AVEN: variants seen among roughly 807,000 people sequenced by gnomAD.
AVEN encodes the protein cell death regulator Aven.
A neutral mutation model predicts 38.1 loss-of-function variants in AVEN; 41 were observed. The ratio of observed to expected loss-of-function variants is 1.08; its 90% CI spans 0.84 to 1.40. The LOEUF is 1.40. Among genes scored for constraint, AVEN ranks in the 40% most tolerant of loss-of-function variants. The pLI is 0.00. For missense variants in AVEN, 605 were observed against 438.8 expected, an observed-to-expected ratio of 1.38 and a Z score of -3.38; for synonymous variants, 206 against 171.8, an observed-to-expected ratio of 1.20 and a Z score of -1.56.
rs1419162297 is a variant in AVEN, at chr15:33,859,796, C to T, written n.2730-702G>A. 2.0e-6 allele frequency: 3 copies of T among 1,482,198 alleles called. No homozygotes were observed. In the African/African-American group the frequency reaches 4.2e-5, roughly 21 times the overall value. 91.8% of individuals were successfully genotyped at this position (1,482,198 alleles called of 1,614,324 possible). On this transcript the variant is annotated intron_variant and non_coding_transcript_variant, in intron 11 of 11. Transcript: ENST00000675287. ...TCTAGTTCTTTTTGCTTTCTTCCAT[C>T]TATGACTTAATTGGTTTATGAAGAA...
At chr15:33,871,647 A>T (rs1890955759) in intron 3 of AVEN, among the ~76,000 whole-genome samples, 2 of 152,178 alleles carry the variant, frequency 1.3e-5, no homozygotes, top group Admixed American at 6.5e-5. Flanking sequence ...AAAAGCAAGC[A>T]TTTAATGAAA....
At chr15:33,861,244 AGT>A, downstream of AVEN, 2 of 1,175,910 alleles carry the variant, frequency 1.7e-6, no homozygotes, top group South Asian at 2.6e-5. Context: ...TAGGTCATAT[AGT>A]TCAGTCTCTG....
At chr15:33,969,651 G>C (rs1895543034) in intron 2 of AVEN, among the ~76,000 whole-genome samples, 1 of 151,940 alleles carries the variant, frequency 6.6e-6, no homozygotes, top group African/African-American at 2.4e-5. Flanking sequence ...TCATACTAAA[G>C]AAAAATAATC....
chr15:33,975,400 A>G (rs1895841809), intron 2 of AVEN, among the ~76,000 whole-genome samples: 1 of 152,210 alleles, frequency 6.6e-6, no homozygotes, highest in African/African-American at 2.4e-5. Context: ...ATGCTACTCA[A>G]TTATTCTGCT....
chr15:33,873,143 A>G (rs1597175302), intron 3 of AVEN, among the ~76,000 whole-genome samples: 1 of 115,878 alleles, frequency 8.6e-6, no homozygotes, highest in South Asian at 2.9e-4. Context: ...TCTGTTGCCC[A>G]GGCTGGAGTG....
intron 1 of AVEN, among the ~76,000 whole-genome samples, chr15:34,010,715 C>T (rs1417093260): frequency 6.6e-6 from 1 of 152,124 alleles, no homozygotes; most frequent in Admixed American, 6.5e-5. Context: ...TCACCAAAAA[C>T]TAATCACAGT....
intron 1 of AVEN, among the ~76,000 whole-genome samples, chr15:34,032,182 A>G (rs2684938): frequency 0.99 from 151,097 of 152,268 alleles, 74,979 homozygotes; most frequent in Middle Eastern, 1. Flanking sequence ...AAGTGCATCA[A>G]GAAATAGTGA....
intron 1 of AVEN, among the ~76,000 whole-genome samples, chr15:34,023,136 G>A (rs1363667783): frequency 1.3e-5 from 2 of 152,116 alleles, no homozygotes; most frequent in African/African-American, 4.8e-5. Flanking sequence ...AACTGAGATC[G>A]CGCCACTGCG....
chr15:34,017,656 T>C (rs148740474), intron 1 of AVEN, among the ~76,000 whole-genome samples: 2,684 of 152,098 alleles, frequency 0.018, 44 homozygotes, highest in South Asian at 0.073. Flanking sequence ...ATTTTTGTAT[T>C]TTTAGTAGAG....
intron 2 of AVEN, among the ~76,000 whole-genome samples, chr15:33,940,996 G>A (rs930501270): frequency 3.9e-5 from 6 of 152,044 alleles, no homozygotes; most frequent in East Asian, 1.9e-4. Flanking sequence ...CAAGATGCTC[G>A]AAGAAAAAAG....
intron 2 of AVEN, among the ~76,000 whole-genome samples, chr15:33,959,097 C>T (rs1325882247): frequency 1.3e-5 from 2 of 152,158 alleles, no homozygotes; most frequent in Non-Finnish European, 2.9e-5. Context: ...CTGCTTCTCA[C>T]GTCTAAAATT....
At chr15:33,969,523 T>C (rs2140491216) in intron 2 of AVEN, among the ~76,000 whole-genome samples, 1 of 152,030 alleles carries the variant, frequency 6.6e-6, no homozygotes, top group South Asian at 2.1e-4. Context: ...CCAGAGTACT[T>C]GATAAAACAA....
At chr15:33,962,787 GCA>G (rs1895238464) in intron 2 of AVEN, among the ~76,000 whole-genome samples, 1 of 151,908 alleles carries the variant, frequency 6.6e-6, no homozygotes, top group African/African-American at 2.4e-5. Context: ...AGGCATGAAG[GCA>G]CATACATGTA....
intron 11 of AVEN, chr15:33,859,703 C>A (rs1337665006): frequency 4.3e-6 from 7 of 1,611,824 alleles, no homozygotes; most frequent in Non-Finnish European, 5.9e-6. Flanking sequence ...TCTTCTTCGT[C>A]ATTGTCATCT....
intron 2 of AVEN, among the ~76,000 whole-genome samples, chr15:33,959,563 C>G (rs1895088789): frequency 6.6e-6 from 1 of 152,166 alleles, no homozygotes; most frequent in African/African-American, 2.4e-5. Flanking sequence ...GGGAGGCCCC[C>G]TCCTCTCTCC....
rs752560317 is a variant in AVEN at position 34,063,530 on chromosome 15, G to C, written n.1127-98C>G. 5 of 1,613,488 alleles carry C rather than the reference G, an allele frequency of 3.1e-6. No individual in the cohort carries two copies. The African/African-American group carries it at 5.3e-5, about 17-fold the overall frequency. On this transcript the variant is annotated intron_variant and non_coding_transcript_variant, in intron 4 of 11. Transcript: ENST00000675287. This position sits in a 1 kb window ranked among gnomAD's most constrained non-coding sequence, Gnocchi z 4.1. Reference sequence around the variant, plus strand: ...AGCGGGAAAGGAACCAGGCCTCCTGGTCATCCTCCCGCAGGAGCACCTCCA... The same window carrying C: ...AGCGGGAAAGGAACCAGGCCTCCTGCTCATCCTCCCGCAGGAGCACCTCCA...
At chr15:33,857,693 C>A, downstream of AVEN, 1 of 1,538,378 alleles carries the variant, frequency 6.5e-7, no homozygotes, top group Non-Finnish European at 8.9e-7. Flanking sequence ...CCTCACTCTT[C>A]CTCCTCGTTT....
chr15:33,924,022 G>C (rs1042650620), intron 2 of AVEN, among the ~76,000 whole-genome samples: 3 of 151,762 alleles, frequency 2.0e-5, no homozygotes, highest in Admixed American at 6.6e-5. Flanking sequence ...AATAATAATA[G>C]AAATAAAGTG....
At chr15:34,070,867 G>A (rs1052133147) in intron 1 of AVEN, among the ~76,000 whole-genome samples, 2 of 152,216 alleles carry the variant, frequency 1.3e-5, no homozygotes, top group African/African-American at 4.8e-5. Flanking sequence ...ATGAATTAAT[G>A]TGCATGAGGT....
Sources: gnomAD v4.1 joint callset for allele counts (sites outside exome capture counted in the v4.1 genomes callset) on GRCh38, gnomAD v4.1.1 for gene constraint, Gnocchi (gnomAD v3.1) non-coding constraint, MANE v1.5 for transcripts, NCBI Gene and HGNC (gene_info 2026-07-23, HGNC 2026-07-21) for gene names.